STPG2: variants seen among roughly 807,000 people sequenced by gnomAD.
The protein encoded by STPG2 is sperm-tail PG-rich repeat-containing protein 2.
STPG2 carries 56 observed loss-of-function variants against 54.2 expected under a neutral mutation model. The ratio of observed to expected loss-of-function variants is 1.03; its 90% confidence interval spans 0.83 to 1.29. The LOEUF (loss-of-function observed/expected upper bound fraction) is 1.29, where lower values mean the gene tolerates loss of function less well. STPG2 is among the 50% of genes most tolerant of loss of function. The pLI is 0.00. For missense variants in STPG2, 596 were observed against 544.9 expected (o/e 1.09, Z -0.93); for synonymous variants, 200 against 181.8 (o/e 1.10, Z -0.81).
intron 8 of STPG2, among the ~76,000 whole-genome samples, chr4:97,883,231 T>G (rs80350806): frequency 0.055 from 8,312 of 151,530 alleles, 344 homozygotes; most frequent in South Asian, 0.17. Context: ...ATGTATATAT[T>G]TTTTTAATTA....
intron 9 of STPG2, among the ~76,000 whole-genome samples, chr4:97,811,056 G>A (rs1029561736): frequency 6.6e-6 from 1 of 152,094 alleles, no homozygotes; most frequent in Non-Finnish European, 1.5e-5. Context: ...CTGTTAAGCA[G>A]TGGGGGCCCA....
intron 10 of STPG2, among the ~76,000 whole-genome samples, chr4:97,598,401 A>G (rs1271354683): frequency 6.6e-6 from 1 of 152,104 alleles, no homozygotes. Context: ...ATTCATATGG[A>G]ACCAAAAAAG....
intron 10 of STPG2, among the ~76,000 whole-genome samples, chr4:97,608,451 C>A: frequency 6.6e-6 from 1 of 152,002 alleles, no homozygotes; most frequent in East Asian, 1.9e-4. Flanking sequence ...CCTTGCTGTA[C>A]ATTTGCTGCT....
chr4:97,551,034 G>A (rs1197809785), intron 4 of STPG2, among the ~76,000 whole-genome samples: 2 of 152,166 alleles, frequency 1.3e-5, no homozygotes, highest in East Asian at 3.9e-4. Context: ...GGTTGCCGCT[G>A]TGGGCTCAGG....
At chr4:97,720,367 G>C (rs1351000482) in intron 9 of STPG2, among the ~76,000 whole-genome samples, 3 of 151,952 alleles carry the variant, frequency 2.0e-5, no homozygotes, top group Non-Finnish European at 4.4e-5. Context: ...GTAGAAAGGG[G>C]AAAATTATTA....
intron 10 of STPG2, among the ~76,000 whole-genome samples, chr4:97,634,284 G>A (rs1234325852): frequency 6.6e-6 from 1 of 152,056 alleles, no homozygotes; most frequent in African/African-American, 2.4e-5. Context: ...TGAGGGTCCT[G>A]TCTGTTAGAA....
At chr4:98,124,059 G>A (rs768399251) in intron 3 of STPG2, among the ~76,000 whole-genome samples, 12 of 151,914 alleles carry the variant, frequency 7.9e-5, no homozygotes, top group Non-Finnish European at 1.6e-4. Flanking sequence ...CCTTTATTTT[G>A]AGCCTGTGTG....
At chr4:97,620,675 G>T (rs1170516281) in intron 10 of STPG2, among the ~76,000 whole-genome samples, 1 of 152,120 alleles carries the variant, frequency 6.6e-6, no homozygotes, top group Non-Finnish European at 1.5e-5. Flanking sequence ...AAGAGACTTA[G>T]ATTTTCAAAC....
At chr4:97,690,503 T>G (rs1438404512) in intron 10 of STPG2, among the ~76,000 whole-genome samples, 2 of 152,046 alleles carry the variant, frequency 1.3e-5, no homozygotes, top group Non-Finnish European at 2.9e-5. Context: ...CCATTCCTGA[T>G]GTATAATGAT....
intron 5 of STPG2, among the ~76,000 whole-genome samples, chr4:98,079,356 C>T (rs1738267473): frequency 6.6e-6 from 1 of 152,182 alleles, no homozygotes; most frequent in African/African-American, 2.4e-5. Context: ...CTGTTCACTA[C>T]TGACAATGAT....
At chr4:97,861,853 T>G (rs1729557251) in intron 8 of STPG2, among the ~76,000 whole-genome samples, 1 of 152,006 alleles carries the variant, frequency 6.6e-6, no homozygotes, top group Non-Finnish European at 1.5e-5. Flanking sequence ...AATAAAATCC[T>G]TTACAGACAA....
At chr4:97,810,820 A>C (rs2036577094) in intron 9 of STPG2, among the ~76,000 whole-genome samples, 1 of 152,230 alleles carries the variant, frequency 6.6e-6, no homozygotes, top group African/African-American at 2.4e-5. Context: ...AAATTATCAC[A>C]GGATAAGCAA....
chr4:97,816,271 A>T (rs1727907521), intron 9 of STPG2, among the ~76,000 whole-genome samples: 1 of 152,158 alleles, frequency 6.6e-6, no homozygotes, highest in South Asian at 2.1e-4. Flanking sequence ...TTCTTTATCC[A>T]ATCTATCATT....
intron 5 of STPG2, among the ~76,000 whole-genome samples, chr4:98,030,023 C>T (rs1736544132): frequency 6.6e-6 from 1 of 152,100 alleles, no homozygotes; most frequent in Admixed American, 6.6e-5. Context: ...TGACATTATC[C>T]AGGCCACTGG....
intron 5 of STPG2, among the ~76,000 whole-genome samples, chr4:98,023,224 T>G (rs1736288439): frequency 6.6e-6 from 1 of 152,234 alleles, no homozygotes; most frequent in African/African-American, 2.4e-5. Flanking sequence ...TTTGTTAGTT[T>G]TCCTTCTAAC....
intron 5 of STPG2, among the ~76,000 whole-genome samples, chr4:98,038,923 A>G (rs1736857503): frequency 6.6e-6 from 1 of 151,972 alleles, no homozygotes; most frequent in Non-Finnish European, 1.5e-5. Flanking sequence ...CTTACATAGT[A>G]AAAAGAGAAA....
chr4:97,784,267 A>G (rs951897071), intron 9 of STPG2, among the ~76,000 whole-genome samples: 20 of 152,096 alleles, frequency 1.3e-4, no homozygotes, highest in Non-Finnish European at 7.4e-5. Context: ...GTCTAAAATA[A>G]TAGAACATCT....
At chr4:98,076,561 G>C (rs1242098352) in intron 5 of STPG2, among the ~76,000 whole-genome samples, 1 of 152,136 alleles carries the variant, frequency 6.6e-6, no homozygotes, top group Non-Finnish European at 1.5e-5. Flanking sequence ...GGTCATGTGT[G>C]ATTTTTGACA....
At position 98,081,971 on chromosome 4, in the gene STPG2, C is replaced by T. The variant is rs77962966; in HGVS notation, c.612+23982G>A. On this transcript the variant is annotated intron_variant, in intron 5 of 10. Transcript: ENST00000295268. ...TTAAGTGCAGTAAATACTAAAAGCC[C>T]TTACCAAGAAATACAATAATTAAGT... Among the ~76,000 whole-genome samples the T allele has an allele frequency of 5.7e-3, 867 of 152,238 alleles. 8 individuals are homozygous for T. Among genetic ancestry groups the T allele is most frequent in the African/African-American group, 0.02 (831 of 41,544 alleles).
Sources: gnomAD v4.1 joint callset for allele counts (sites outside exome capture counted in the v4.1 genomes callset) on GRCh38, gnomAD v4.1.1 for gene constraint, MANE v1.5 for transcripts, NCBI Gene and HGNC (gene_info 2026-07-23, HGNC 2026-07-21) for gene names.